Variants in CCDC102B observed in about 807,000 individuals in gnomAD.
The protein encoded by CCDC102B is coiled-coil domain containing 102B, also known as coiled-coil domain-containing protein 102B.
A neutral mutation model predicts 57.4 loss-of-function variants in CCDC102B; 75 were observed. The observed-to-expected ratio is 1.31, with a 90% CI of 1.08 to 1.58. The LOEUF is 1.58. Among genes scored for constraint, CCDC102B ranks in the 40% most tolerant of loss-of-function variants. The pLI is 0.00. For synonymous variants in CCDC102B, 206 were observed against 201.9 expected, an observed-to-expected ratio of 1.02 and a Z score of -0.17; for missense variants, 636 against 582.6, an observed-to-expected ratio of 1.09 and a Z score of -0.94.
intron 3 of CCDC102B, among the ~76,000 whole-genome samples, chr18:68,841,417 G>T (rs1443357545): frequency 6.6e-6 from 1 of 152,104 alleles, no homozygotes; most frequent in Non-Finnish European, 1.5e-5. Context: ...GTGTATAAAA[G>T]TTTCTCATAT....
intron 2 of CCDC102B, among the ~76,000 whole-genome samples, chr18:68,725,111 A>G (rs2032533966): frequency 6.6e-6 from 1 of 152,130 alleles, no homozygotes; most frequent in Non-Finnish European, 1.5e-5. Context: ...TCTCATGAGA[A>G]CTCACTATCA....
chr18:68,901,756 A>G (rs1369161397), intron 6 of CCDC102B, among the ~76,000 whole-genome samples: 1 of 152,114 alleles, frequency 6.6e-6, no homozygotes, highest in African/African-American at 2.4e-5. Context: ...AGTAGCTGGA[A>G]GTCTTTTTCT....
intron 4 of CCDC102B, chr18:68,859,005 G>A (rs1435657559): frequency 2.0e-5 from 3 of 152,358 alleles, no homozygotes; most frequent in East Asian, 1.9e-4. Context: ...CTTGCGCAAG[G>A]ATGACACGCA....
intron 1 of CCDC102B, among the ~76,000 whole-genome samples, chr18:68,807,802 A>T (rs2036086647): frequency 1.3e-5 from 2 of 152,148 alleles, no homozygotes; most frequent in African/African-American, 4.8e-5. Flanking sequence ...TTCTAGTTAA[A>T]TTTTTTATTT....
chr18:68,898,596 G>C (rs1047155631), intron 6 of CCDC102B, among the ~76,000 whole-genome samples: 1 of 152,012 alleles, frequency 6.6e-6, no homozygotes, highest in Non-Finnish European at 1.5e-5. Context: ...ACTGTGGTTT[G>C]ATTATAGAAA....
chr18:68,789,408 A>G (rs994915518), intron 2 of CCDC102B, among the ~76,000 whole-genome samples: 6 of 152,090 alleles, frequency 3.9e-5, no homozygotes, highest in Non-Finnish European at 5.9e-5. Context: ...TCTCCTGGAT[A>G]ATATCCTGCA....
chr18:68,747,242 C>T (rs2033655894), intron 2 of CCDC102B, among the ~76,000 whole-genome samples: 1 of 151,944 alleles, frequency 6.6e-6, no homozygotes, highest in South Asian at 2.1e-4. Flanking sequence ...CTCTGCTCCC[C>T]TTCCCATCCT....
At chr18:68,978,636 A>C (rs1482935903) in intron 6 of CCDC102B, among the ~76,000 whole-genome samples, 1 of 152,084 alleles carries the variant, frequency 6.6e-6, no homozygotes. Flanking sequence ...TTTCCCAGTC[A>C]GAATTTACAT....
intron 5 of CCDC102B, among the ~76,000 whole-genome samples, chr18:68,885,996 A>G (rs2144975196): frequency 6.6e-6 from 1 of 152,140 alleles, no homozygotes; most frequent in Admixed American, 6.5e-5. Flanking sequence ...AGGAAACATA[A>G]AATTATAATA....
intron 2 of CCDC102B, among the ~76,000 whole-genome samples, chr18:68,764,694 A>G (rs1164618127): frequency 6.6e-6 from 1 of 152,142 alleles, no homozygotes; most frequent in Non-Finnish European, 1.5e-5. Flanking sequence ...TAAATTTATT[A>G]TTGTTGGGTT....
chr18:68,860,871 A>AT (rs1365696640), intron 4 of CCDC102B, among the ~76,000 whole-genome samples: 1 of 145,770 alleles, frequency 6.9e-6, no homozygotes, highest in Non-Finnish European at 1.5e-5. Context: ...GAAGGTAGGA[A>AT]TTTTTTTCCA....
intron 7 of CCDC102B, among the ~76,000 whole-genome samples, chr18:69,027,389 A>G (rs2052021656): frequency 6.6e-6 from 1 of 152,224 alleles, no homozygotes; most frequent in African/African-American, 2.4e-5. Context: ...CTTGATTGGC[A>G]TAAGGTAAGC....
intron 4 of CCDC102B, among the ~76,000 whole-genome samples, chr18:68,857,864 C>A (rs2038550908): frequency 6.6e-6 from 1 of 152,130 alleles, no homozygotes; most frequent in Admixed American, 6.6e-5. Flanking sequence ...TCCCTGTGCA[C>A]AATTTTTCAG....
At chr18:68,930,595 G>T (rs1465246900) in intron 6 of CCDC102B, among the ~76,000 whole-genome samples, 1 of 151,818 alleles carries the variant, frequency 6.6e-6, no homozygotes, top group Non-Finnish European at 1.5e-5. Context: ...ATGGGCTCTG[G>T]CCTTCTGCTC....
At chr18:68,983,652 T>C (rs1467664224) in intron 6 of CCDC102B, among the ~76,000 whole-genome samples, 1 of 152,020 alleles carries the variant, frequency 6.6e-6, no homozygotes, top group East Asian at 1.9e-4. Flanking sequence ...TTTATGGAGG[T>C]ATCCACTAAA....
At chr18:68,880,348 C>T (rs887730554) in intron 5 of CCDC102B, among the ~76,000 whole-genome samples, 5 of 152,194 alleles carry the variant, frequency 3.3e-5, no homozygotes, top group Non-Finnish European at 7.3e-5. Context: ...AAGCACCGCG[C>T]GCAGCCCCGG....
chr18:68,901,977 A>G (rs1803428670), intron 6 of CCDC102B, among the ~76,000 whole-genome samples: 1 of 152,170 alleles, frequency 6.6e-6, no homozygotes, highest in Non-Finnish European at 1.5e-5. Context: ...GGTCTAGGAT[A>G]AGGTCTGAGA....
intron 7 of CCDC102B, among the ~76,000 whole-genome samples, chr18:69,034,189 T>C (rs1260518301): frequency 6.6e-6 from 1 of 152,050 alleles, no homozygotes; most frequent in African/African-American, 2.4e-5. Flanking sequence ...ATAGAGTTAT[T>C]TGAAGCTTAC....
At chr18:69,017,469 T>C (rs1217925484) in intron 7 of CCDC102B, among the ~76,000 whole-genome samples, 2 of 152,150 alleles carry the variant, frequency 1.3e-5, no homozygotes, top group Non-Finnish European at 2.9e-5. Context: ...TTTTAACTTT[T>C]AGGATTGTAA....
Sources: allele counts gnomAD v4.1 joint callset (sites outside exome capture counted in the v4.1 genomes callset), GRCh38; gene constraint gnomAD v4.1.1; transcripts MANE v1.5; gene names NCBI Gene and HGNC (gene_info 2026-07-23, HGNC 2026-07-21).